The following PACRG variants were observed in gnomAD, a reference collection of about 807,000 sequenced individuals.
PACRG encodes the protein parkin coregulated.
A neutral mutation model predicts 29.7 loss-of-function variants in PACRG; 29 were observed. The ratio of observed to expected loss-of-function variants is 0.98; its 90% CI spans 0.73 to 1.33. The LOEUF (loss-of-function observed/expected upper bound fraction) is 1.33, where lower values mean the gene tolerates loss of function less well. PACRG is among the 40% of genes most tolerant of loss of function. The pLI, the probability that PACRG is intolerant of heterozygous loss-of-function variation, is 0.00. For synonymous variants in PACRG, 116 were observed against 118.7 expected (o/e 0.98, Z 0.15); for missense variants, 279 against 316.2 (o/e 0.88, Z 0.89).
intron 4 of PACRG, among the ~76,000 whole-genome samples, chr6:163,142,978 G>T (rs1303116902): frequency 1.3e-5 from 2 of 152,180 alleles, no homozygotes; most frequent in Non-Finnish European, 2.9e-5. Context: ...TAAATGCAGG[G>T]CTGTATCCTG....
rs1361747950 is a variant in PACRG, at chr6:162,976,280, A to C, written c.292-85870A>C. Among the ~76,000 whole-genome samples the C allele has an allele frequency of 1.3e-5, 2 of 152,208 alleles. 1 individual carries two copies. The highest frequency in any genetic ancestry group is 2.9e-5 in the Non-Finnish European group (2 of 68,036). On this transcript the variant is annotated intron_variant, in intron 2 of 4. Coordinates refer to ENST00000366888, the MANE Select transcript of PACRG (RefSeq NM_001080379.2). ...AAACGATTTTGAGTTTTGACAAAAT[A>C]ACTTTGGAAACCATTCAAAGAGTGG...
chr6:162,844,783 A>AACATC (rs1320923057), intron 2 of PACRG, among the ~76,000 whole-genome samples: 6 of 152,218 alleles, frequency 3.9e-5, no homozygotes, highest in African/African-American at 1.4e-4. Context: ...TCTGCTGTTA[A>AACATC]ACATCTTAAA....
intron 4 of PACRG, among the ~76,000 whole-genome samples, chr6:163,300,027 T>C (rs927454706): frequency 6.6e-6 from 1 of 152,116 alleles, no homozygotes. Flanking sequence ...TGGAACTAAG[T>C]GGAATGACCT....
intron 2 of PACRG, among the ~76,000 whole-genome samples, chr6:162,900,220 C>T (rs948174002): frequency 6.6e-6 from 1 of 152,092 alleles, no homozygotes; most frequent in Non-Finnish European, 1.5e-5. Context: ...ACAATGCTCA[C>T]GGATGTCACG....
At chr6:163,262,500 T>A (rs747056792) in intron 4 of PACRG, among the ~76,000 whole-genome samples, 1 of 151,272 alleles carries the variant, frequency 6.6e-6, no homozygotes, top group Non-Finnish European at 1.5e-5. Context: ...CGAATCACTC[T>A]GATCTACTCA....
rs369315812 is a variant in PACRG, at chr6:162,814,237, A to G, written c.247A>G (p.Ile83Val). Residue 83 changes from isoleucine (I) to valine (V), a missense_variant, in exon 2 of 5, where the codon ATT becomes GTT. By Grantham distance (29) the Ile-to-Val change is conservative. Coordinates refer to ENST00000366888, the MANE Select transcript of PACRG (RefSeq NM_001080379.2). ...ATTCTATGAGCGAGGTGACTTCCCA[A>G]TTGCCCTTGAGCATGATTCGAAAGG... ...RKFYERGDFP[I>V]ALEHDSKGNK... 9.3e-6 allele frequency: 15 copies of G among 1,613,860 alleles called. No individual in the cohort carries two copies. Among genetic ancestry groups the G allele is most frequent in the African/African-American group, 2.7e-5 (2 of 74,886 alleles).
At chr6:163,180,338 C>T (rs1473206177) in intron 4 of PACRG, among the ~76,000 whole-genome samples, 1 of 152,312 alleles carries the variant, frequency 6.6e-6, no homozygotes, top group Admixed American at 6.5e-5. Context: ...TATCACGAAG[C>T]CTTCACAAGA....
At chr6:163,036,823 T>C (rs1808229874) in intron 2 of PACRG, among the ~76,000 whole-genome samples, 2 of 150,840 alleles carry the variant, frequency 1.3e-5, no homozygotes, top group Admixed American at 1.3e-4. Context: ...CTTTTATTTA[T>C]CCATCCATCC....
chr6:163,168,488 C>T (rs1293148851), intron 4 of PACRG, among the ~76,000 whole-genome samples: 5 of 152,036 alleles, frequency 3.3e-5, no homozygotes, highest in African/African-American at 4.8e-5. Flanking sequence ...AGCGAGACTC[C>T]GTCTCAAAAA....
chr6:162,856,907 C>T (rs1022774453), intron 2 of PACRG, among the ~76,000 whole-genome samples: 5 of 152,030 alleles, frequency 3.3e-5, no homozygotes, highest in African/African-American at 7.3e-5. Flanking sequence ...AGCGGGTTTA[C>T]CTAGGTTTTC....
chr6:163,089,083 C>A (rs137873151), intron 3 of PACRG, among the ~76,000 whole-genome samples, 176 bp from the exon 4 acceptor site: 24 of 152,112 alleles, frequency 1.6e-4, no homozygotes, highest in African/African-American at 5.3e-4. Context: ...GACAAGATTC[C>A]ATTTAAAACA....
At chr6:163,172,025 C>G (rs1396116443) in intron 4 of PACRG, among the ~76,000 whole-genome samples, 2 of 152,242 alleles carry the variant, frequency 1.3e-5, no homozygotes, top group Admixed American at 6.5e-5. Flanking sequence ...CCCTGTCTAC[C>G]TGGGGTCTGG....
chr6:162,785,619 G>C (rs981187651), intron 1 of PACRG, among the ~76,000 whole-genome samples: 2 of 152,114 alleles, frequency 1.3e-5, no homozygotes, highest in Non-Finnish European at 2.9e-5. Context: ...GGATGAAACC[G>C]TTCTACCTTT....
intron 4 of PACRG, among the ~76,000 whole-genome samples, chr6:163,188,213 T>C (rs554549828): frequency 2.6e-5 from 4 of 152,300 alleles, no homozygotes; most frequent in Admixed American, 6.5e-5. Context: ...ATTCTTTGTA[T>C]AGAAAAAGCT....
chr6:162,908,606 T>C (rs1400457238), intron 2 of PACRG, among the ~76,000 whole-genome samples: 2 of 152,126 alleles, frequency 1.3e-5, no homozygotes, highest in African/African-American at 2.4e-5. Context: ...CTCTGCTCTT[T>C]TCAGGTTCTG....
intron 1 of PACRG, among the ~76,000 whole-genome samples, chr6:162,782,635 T>C (rs1393239704): frequency 6.6e-6 from 1 of 151,852 alleles, no homozygotes; most frequent in Non-Finnish European, 1.5e-5. Flanking sequence ...CTGTCACTCT[T>C]TACATACTTC....
At chr6:163,059,267 C>G (rs1196981210) in intron 2 of PACRG, among the ~76,000 whole-genome samples, 1 of 152,086 alleles carries the variant, frequency 6.6e-6, no homozygotes, top group Non-Finnish European at 1.5e-5. Context: ...CGTCTTTTTT[C>G]TCTTTTCTCA....
rs563285488 is a variant in PACRG at position 163,304,613 on chromosome 6, A to T, written c.614-10214A>T. Among the ~76,000 whole-genome samples the T allele has an allele frequency of 7.9e-5, 12 of 152,366 alleles. 1 individual carries two copies. The South Asian group carries it at 2.5e-3, about 32-fold the overall frequency. On this transcript the variant is annotated intron_variant, in intron 4 of 4. Coordinates refer to ENST00000366888, the MANE Select transcript of PACRG (RefSeq NM_001080379.2). The stretch of plus-strand genomic sequence containing the variant: ...CAGGAATTCAAAAGAAAGAAAGATG[A>T]TGTGGATGCAAAATCAAAGAGGGAG...
chr6:163,203,345 G>A (rs746294707), intron 4 of PACRG, among the ~76,000 whole-genome samples: 5 of 152,108 alleles, frequency 3.3e-5, no homozygotes, highest in East Asian at 1.9e-4. Flanking sequence ...CCCAGGAGGC[G>A]GAGGTTGCAG....
Sources: gnomAD v4.1 joint callset for allele counts (sites outside exome capture counted in the v4.1 genomes callset) on GRCh38, gnomAD v4.1.1 for gene constraint, MANE v1.5 for transcripts, NCBI Gene and HGNC (gene_info 2026-07-23, HGNC 2026-07-21) for gene names.